CACNA1B: variants seen among roughly 807,000 people sequenced by gnomAD.
CACNA1B encodes the protein calcium voltage-gated channel subunit alpha1 B, also known as voltage-dependent N-type calcium channel subunit alpha-1B.
In CACNA1B, 70 loss-of-function variants were observed where a neutral mutation model predicts 247.2. The observed-to-expected ratio is 0.28, with a 90% CI of 0.23 to 0.35. The LOEUF is 0.35. Ranked by LOEUF, CACNA1B falls within the 10% of genes least tolerant of loss-of-function variation. The probability of loss-of-function intolerance (pLI) is 1.00; values close to 1 mark genes in which losing one functional copy is unlikely to be tolerated. For missense variants in CACNA1B, 2,367 were observed against 3,197.4 expected (o/e 0.74, Z 6.26); for synonymous variants, 1,231 against 1,294.4 (o/e 0.95, Z 1.05).
At chr9:138,061,727 C>T (rs1296362874) in intron 31 of CACNA1B, among the ~76,000 whole-genome samples, 2 of 152,216 alleles carry the variant, frequency 1.3e-5, no homozygotes, top group Non-Finnish European at 2.9e-5. Context: ...AAACCCACAC[C>T]TGGGATGTGG....
At position 137,954,881 on chromosome 9, in the gene CACNA1B, A is replaced by G. The variant is rs60403101; in HGVS notation, c.1071-817A>G. 7.8e-6 allele frequency among the ~76,000 whole-genome samples: 1 copy of G among 127,892 alleles called. No individual in the cohort carries two copies. The allele number at this position is 127,892 out of a possible 152,430, so 83.9% of individuals were successfully genotyped here. A position where few individuals can be genotyped will look rare whatever the true frequency, so the allele number is the denominator to read the frequency against. ...TTGTGTGTGTGTGTGTGTGTGTGTGAGAGAGAGAGAGAGAGAGAGAGGGGG... is the reference window on the plus strand; with the variant it reads ...TTGTGTGTGTGTGTGTGTGTGTGTGGGAGAGAGAGAGAGAGAGAGAGGGGG... On this transcript the variant is annotated intron_variant, in intron 7 of 46. Transcript: ENST00000371372. The surrounding 1 kb of genome is among the most constrained non-coding windows in gnomAD (Gnocchi z 4.1).
Position 138,050,881 on chromosome 9 carries a change from T to G in CACNA1B, c.3711-1211T>G, listed in dbSNP as rs753937889. ...GGGAGTTTGATCTGATTCTGGAGTGTAGCCTACAGTCAGGGGAGAAGAAGG... is the reference window on the plus strand; with the variant it reads ...GGGAGTTTGATCTGATTCTGGAGTGGAGCCTACAGTCAGGGGAGAAGAAGG... On this transcript the variant is annotated intron_variant, in intron 24 of 46. Coordinates refer to ENST00000371372, the MANE Select transcript of CACNA1B (RefSeq NM_000718.4). The surrounding 1 kb of genome is among the most constrained non-coding windows in gnomAD (Gnocchi z 5.2). 4.6e-5 allele frequency among the ~76,000 whole-genome samples: 7 copies of G among 152,094 alleles called. No individual in the cohort carries two copies. The highest frequency in any genetic ancestry group is 8.8e-5 in the Non-Finnish European group (6 of 67,992).
chr9:137,894,287 G>A (rs960060296), intron 3 of CACNA1B, among the ~76,000 whole-genome samples: 5 of 151,274 alleles, frequency 3.3e-5, no homozygotes, highest in African/African-American at 7.3e-5. Context: ...TCGCCGGCAC[G>A]GGGGTTGTCT....
At chr9:138,047,568 A>T (rs1959194767) in intron 23 of CACNA1B, 110 bp downstream of exon 23, 3 of 753,260 alleles carry the variant, frequency 4.0e-6, no homozygotes, top group Non-Finnish European at 7.1e-6. Context: ...CTCTTAAGAC[A>T]TATGGTAGGT....
At chr9:138,033,990 C>G (rs1421701879) in intron 20 of CACNA1B, among the ~76,000 whole-genome samples, 1 of 152,172 alleles carries the variant, frequency 6.6e-6, no homozygotes, top group Non-Finnish European at 1.5e-5. Context: ...CACTTGAGTT[C>G]CACTGACATT....
At chr9:137,994,884 C>T (rs1486705122) in intron 15 of CACNA1B, among the ~76,000 whole-genome samples, 1 of 152,150 alleles carries the variant, frequency 6.6e-6, no homozygotes, top group African/African-American at 2.4e-5. Flanking sequence ...ATGGAACCAA[C>T]AAAGAGCCTG....
chr9:137,975,156 C>T (rs547962460), intron 11 of CACNA1B, among the ~76,000 whole-genome samples: 30 of 152,228 alleles, frequency 2.0e-4, no homozygotes, highest in African/African-American at 7.2e-4. Flanking sequence ...CCCTCTAGCC[C>T]CAGCATGGCC....
Position 138,013,134 on chromosome 9 carries a change from AGAG to A in CACNA1B, c.2170_2172del (p.Glu724del). ...ATTTCTCTTTGCTCAAACAGGATGA[AGAG>A]GAGATGGAAGAAGCAGCCAATCAGA... On this transcript the variant is annotated inframe_deletion, in exon 18 of 47. Coordinates refer to ENST00000371372, the MANE Select transcript of CACNA1B (RefSeq NM_000718.4). The A allele has an allele frequency of 6.2e-7, 1 of 1,612,800 alleles. No homozygotes were observed.
chr9:138,039,137 A>AG (rs928456422), intron 20 of CACNA1B, among the ~76,000 whole-genome samples: 10 of 152,114 alleles, frequency 6.6e-5, no homozygotes, highest in Non-Finnish European at 4.4e-5. Flanking sequence ...CAGAGGTTGT[A>AG]GTGAGCCAAG....
chr9:138,031,823 T>A lies in CACNA1B; in HGVS notation c.3286+6651T>A, dbSNP rs566010098. The stretch of plus-strand genomic sequence containing the variant: ...TATCTTATGTAGATATGTTCAGTCC[T>A]GCCTTCTTTTGATTAATATGTGCAT... On this transcript the variant is annotated intron_variant, in intron 20 of 46. Transcript: ENST00000371372. 9.2e-5 allele frequency among the ~76,000 whole-genome samples: 14 copies of A among 152,344 alleles called. No individual in the cohort carries two copies. In the South Asian group the frequency reaches 2.9e-3, roughly 32 times the overall value.
In CACNA1B at chr9:138,020,286, C is replaced by T. The variant is rs1244447734; in HGVS notation, c.2268-2725C>T. 3.3e-5 allele frequency among the ~76,000 whole-genome samples: 5 copies of T among 152,158 alleles called. No individual in the cohort carries two copies. The stretch of plus-strand genomic sequence containing the variant: ...CCCAGCTGAGCATGGCTGAGCCCTC[C>T]TCCCTGGAACAGCTGGGTTGTGCCT... On this transcript the variant is annotated intron_variant, in intron 18 of 46. Transcript: ENST00000371372. This position sits in a 1 kb window ranked among gnomAD's most constrained non-coding sequence, Gnocchi z 4.1.
intron 31 of CACNA1B, among the ~76,000 whole-genome samples, chr9:138,063,552 A>G (rs1446154661): frequency 6.6e-6 from 1 of 152,270 alleles, no homozygotes; most frequent in Non-Finnish European, 1.5e-5. Flanking sequence ...ATGTTGTGAC[A>G]TAGGGTCAGA....
rs1958186328 is a variant in CACNA1B, at chr9:137,973,908, G to T, written c.1544-1999G>T. On this transcript the variant is annotated intron_variant, in intron 11 of 46. Coordinates refer to ENST00000371372, the MANE Select transcript of CACNA1B (RefSeq NM_000718.4). The surrounding 1 kb of genome is among the most constrained non-coding windows in gnomAD (Gnocchi z 4.1). ...TTCTTGTACTTGTTCCTTGCAAAGTGCTCTCACTTTGGTCTCCTGGGGAGC... is the reference window on the plus strand; with the variant it reads ...TTCTTGTACTTGTTCCTTGCAAAGTTCTCTCACTTTGGTCTCCTGGGGAGC... 1.3e-5 allele frequency among the ~76,000 whole-genome samples: 2 copies of T among 152,144 alleles called. No individual in the cohort carries two copies. Among genetic ancestry groups the T allele is most frequent in the South Asian group, 4.1e-4 (2 of 4,832 alleles).
chr9:138,102,491 G>A lies in CACNA1B; in HGVS notation c.5223-220G>A, dbSNP rs923867057. Among the ~76,000 whole-genome samples, 1 of 152,092 alleles carries A rather than the reference G, an allele frequency of 6.6e-6. No individual in the cohort carries two copies. Among genetic ancestry groups the A allele is most frequent in the Non-Finnish European group, 1.5e-5 (1 of 68,014 alleles). On this transcript the variant is annotated intron_variant, in intron 37 of 46. Transcript: ENST00000371372. This position sits in a 1 kb window ranked among gnomAD's most constrained non-coding sequence, Gnocchi z 5.4. The stretch of plus-strand genomic sequence containing the variant: ...GGGCTGGAGTGAGGAGGTGAGGCTC[G>A]GGGGTGGGGGGCCAGGAGGGGGTCA...
In CACNA1B at chr9:137,952,290, G is replaced by C; in HGVS notation, c.983G>C (p.Gly328Ala). 6.2e-7 allele frequency: 1 copy of C among 1,613,702 alleles called. No individual in the cohort carries two copies. The highest frequency in any genetic ancestry group is 8.5e-7 in the Non-Finnish European group (1 of 1,179,740). ...DILYNTNDAA[G>A]NTWNWLYFIP... ...TGCTTCCAGACAAACGATGCGGCCG[G>C]CAACACCTGGAACTGGCTCTACTTC... Residue 328 changes from glycine to alanine, a missense_variant, in exon 7 of 47, where the codon GGC becomes GCC. By Grantham distance (60) the Gly-to-Ala change is moderately conservative. This residue lies in a region of CACNA1B where 32 missense variants were observed against 37.2 expected (regional missense o/e 0.86). Transcript: ENST00000371372. This position sits in a 1 kb window ranked among gnomAD's most constrained non-coding sequence, Gnocchi z 4.8.
At chr9:138,104,919 C>T (rs1051744649) in intron 38 of CACNA1B, among the ~76,000 whole-genome samples, 2 of 152,348 alleles carry the variant, frequency 1.3e-5, no homozygotes, top group Admixed American at 6.5e-5. Flanking sequence ...GGTGCAGACA[C>T]GAGCTCGTCT....
At position 137,917,103 on chromosome 9, in the gene CACNA1B, G is replaced by T. The variant is rs113070786; in HGVS notation, c.776-138G>T. ...GATGCAGATTCGAGGAGGGATGGTG[G>T]GAAGTTGAGGGAGAGTTTCTGTTGG... On this transcript the variant is annotated intron_variant, in intron 5 of 46. Coordinates refer to ENST00000371372, the MANE Select transcript of CACNA1B (RefSeq NM_000718.4). The surrounding 1 kb of genome is among the most constrained non-coding windows in gnomAD (Gnocchi z 5.5). 2.0e-5 allele frequency: 14 copies of T among 705,552 alleles called. No homozygotes were observed. The highest frequency in any genetic ancestry group is 3.0e-5 in the Non-Finnish European group (13 of 427,868). 43.7% of individuals were successfully genotyped at this position (705,552 alleles called of 1,614,324 possible). A position where few individuals can be genotyped will look rare whatever the true frequency, so the allele number is the denominator to read the frequency against.
chr9:137,949,076 G>GTGTATC (rs1957836598), intron 6 of CACNA1B, among the ~76,000 whole-genome samples: 4 of 85,302 alleles, frequency 4.7e-5, no homozygotes, highest in East Asian at 3.6e-4. Flanking sequence ...TGTAGTGTGT[G>GTGTATC]TGGTGTGTGT....
Position 138,028,442 on chromosome 9 carries a change from A to C in CACNA1B, c.3286+3270A>C, listed in dbSNP as rs117639281. 6.1e-3 allele frequency among the ~76,000 whole-genome samples: 923 copies of C among 152,368 alleles called. 10 individuals are homozygous for C. Among genetic ancestry groups the C allele is most frequent in the Non-Finnish European group, 0.011 (776 of 68,038 alleles). On this transcript the variant is annotated intron_variant, in intron 20 of 46. Transcript: ENST00000371372. ...AAAACTAATAAACAGTCATAATAGA[A>C]CATAAAATGCTTCACATATTGTTTC...
Sources: gnomAD v4.1 joint callset for allele counts (sites outside exome capture counted in the v4.1 genomes callset) on GRCh38, gnomAD v4.1.1 for gene constraint, gnomAD v4.1.1 regional missense constraint, Gnocchi (gnomAD v3.1) non-coding constraint, MANE v1.5 for transcripts, NCBI Gene and HGNC (gene_info 2026-07-23, HGNC 2026-07-21) for gene names.